LHFPL3: variants seen among roughly 807,000 people sequenced by gnomAD.
LHFPL3 encodes the protein LHFPL tetraspan subfamily member 3 protein.
Under a neutral mutation model 19.3 loss-of-function variants are expected in LHFPL3, and 5 were observed. That is an observed-to-expected ratio of 0.26 (90% CI 0.14 to 0.54). The LOEUF (loss-of-function observed/expected upper bound fraction) is 0.54, where lower values mean the gene tolerates loss of function less well. Ranked by LOEUF, LHFPL3 falls within the 20% of genes least tolerant of loss-of-function variation. The pLI, the probability that LHFPL3 is intolerant of heterozygous loss-of-function variation, is 0.94. For missense variants in LHFPL3, 249 were observed against 307.4 expected (o/e 0.81, Z 1.42); for synonymous variants, 133 against 126.2 (o/e 1.05, Z -0.36).
intron 1 of LHFPL3, among the ~76,000 whole-genome samples, chr7:104,638,779 T>G (rs1193149376): frequency 6.7e-6 from 1 of 148,618 alleles, no homozygotes; most frequent in African/African-American, 2.5e-5. Flanking sequence ...TTTTTTTTTC[T>G]TGAGACAGAG....
intron 2 of LHFPL3, among the ~76,000 whole-genome samples, chr7:104,825,177 A>G (rs1790793313): frequency 6.6e-6 from 1 of 151,680 alleles, no homozygotes; most frequent in Non-Finnish European, 1.5e-5. Context: ...CATAGAAGGA[A>G]CTGGGACTGA....
intron 2 of LHFPL3, among the ~76,000 whole-genome samples, chr7:104,878,925 G>A (rs944463096): frequency 2.6e-5 from 4 of 152,166 alleles, no homozygotes; most frequent in Non-Finnish European, 5.9e-5. Context: ...TTCTGATATA[G>A]AAAAGCTTCT....
At chr7:104,565,757 ATCTATCTATCTATCTAATCT>A (rs1179404608) in intron 1 of LHFPL3, among the ~76,000 whole-genome samples, 7 of 146,564 alleles carry the variant, frequency 4.8e-5, no homozygotes, top group African/African-American at 1.9e-4. Flanking sequence ...CTATCTATCT[ATCTATCTATCTATCTAATCT>A]ATCTATCTGT....
intron 1 of LHFPL3, among the ~76,000 whole-genome samples, chr7:104,567,560 T>C (rs1396391155): frequency 6.6e-6 from 1 of 152,240 alleles, no homozygotes; most frequent in Non-Finnish European, 1.5e-5. Flanking sequence ...AAGGCATTCC[T>C]CTAGTCACAA....
intron 1 of LHFPL3, among the ~76,000 whole-genome samples, chr7:104,523,163 G>A (rs577454084): frequency 4.5e-4 from 69 of 151,942 alleles, no homozygotes; most frequent in African/African-American, 1.6e-3. Context: ...TCTCAAATTG[G>A]TCCTGGTTAA....
chr7:104,875,617 G>C (rs975964799), intron 2 of LHFPL3, among the ~76,000 whole-genome samples: 7 of 152,216 alleles, frequency 4.6e-5, no homozygotes, highest in African/African-American at 1.4e-4. Context: ...GGAAGTTTTA[G>C]TTGCTACTAG....
At chr7:104,771,816 C>CTTTTTTTTT (rs71155523) in intron 2 of LHFPL3, among the ~76,000 whole-genome samples, 1 of 75,412 alleles carries the variant, frequency 1.3e-5, no homozygotes, top group Non-Finnish European at 2.4e-5. Flanking sequence ...TTTTGCCTCT[C>CTTTTTTTTT]TTTTTTTTTT....
At chr7:104,875,339 AATCCTCAC>A (rs1791917683) in intron 2 of LHFPL3, among the ~76,000 whole-genome samples, 1 of 151,894 alleles carries the variant, frequency 6.6e-6, no homozygotes, top group Admixed American at 6.6e-5. Flanking sequence ...CCCACCTCCA[AATCCTCAC>A]ACCCTCCAGC....
chr7:104,499,807 A>G (rs1272359582), intron 1 of LHFPL3, among the ~76,000 whole-genome samples: 1 of 152,204 alleles, frequency 6.6e-6, no homozygotes, highest in Non-Finnish European at 1.5e-5. Flanking sequence ...CCCCAAAACT[A>G]TATAGAACTT....
chr7:104,621,381 C>T (rs1791443244), intron 1 of LHFPL3, among the ~76,000 whole-genome samples: 2 of 152,332 alleles, frequency 1.3e-5, no homozygotes, highest in African/African-American at 4.8e-5. Context: ...CCTAAAAGCA[C>T]AATGCTAATA....
chr7:104,574,859 A>G (rs1345500196), intron 1 of LHFPL3, among the ~76,000 whole-genome samples: 1 of 152,160 alleles, frequency 6.6e-6, no homozygotes, highest in African/African-American at 2.4e-5. Context: ...GCAGAACTGG[A>G]GTTAAAGAAG....
chr7:104,344,954 C>T (rs1406797686), intron 1 of LHFPL3, among the ~76,000 whole-genome samples: 2 of 151,700 alleles, frequency 1.3e-5, no homozygotes, highest in African/African-American at 4.8e-5. Flanking sequence ...CTTTTTTTGT[C>T]TTTGAGAAAA....
rs115345504 is a variant in LHFPL3, at chr7:104,797,722, T to G, written c.682+60811T>G. Among the ~76,000 whole-genome samples the G allele has an allele frequency of 9.8e-3, 1,432 of 146,210 alleles. 16 individuals are homozygous for G. Among genetic ancestry groups the G allele is most frequent in the African/African-American group, 0.033 (1,302 of 39,422 alleles). ...TGAGCTCAAGAGTTAGAGACCAGCC[T>G]GGGTACCAATGGTGAAACCCCATCT... is the stretch of plus-strand genomic sequence containing the variant. On this transcript the variant is annotated intron_variant, in intron 2 of 2. Coordinates refer to ENST00000424859, the MANE Select transcript of LHFPL3 (RefSeq NM_199000.3).
At chr7:104,549,897 G>A (rs940051763) in intron 1 of LHFPL3, among the ~76,000 whole-genome samples, 2 of 152,088 alleles carry the variant, frequency 1.3e-5, no homozygotes, top group African/African-American at 2.4e-5. Flanking sequence ...AAAAGGTACA[G>A]CAGAGGCCAA....
intron 1 of LHFPL3, among the ~76,000 whole-genome samples, chr7:104,622,281 T>TTTTGTA (rs1791459949): frequency 6.6e-6 from 1 of 152,142 alleles, no homozygotes; most frequent in Non-Finnish European, 1.5e-5. Flanking sequence ...AGCTCATTTT[T>TTTTGTA]TTTGTATTTC....
At chr7:104,769,738 T>C (rs1206642695) in intron 2 of LHFPL3, among the ~76,000 whole-genome samples, 1 of 152,038 alleles carries the variant, frequency 6.6e-6, no homozygotes, top group Non-Finnish European at 1.5e-5. Context: ...TGATAGTTTG[T>C]TGAGAATGAT....
intron 1 of LHFPL3, among the ~76,000 whole-genome samples, chr7:104,627,973 T>C (rs983320053): frequency 3.9e-4 from 59 of 152,304 alleles, no homozygotes; most frequent in African/African-American, 1.4e-3. Flanking sequence ...TCAGAAAATA[T>C]CTGTAAATAT....
intron 1 of LHFPL3, among the ~76,000 whole-genome samples, 168 bp from the exon 2 acceptor site, chr7:104,736,507 C>CCACACA (rs57904267): frequency 1.7e-4 from 25 of 150,642 alleles, no homozygotes; most frequent in African/African-American, 5.4e-4. Flanking sequence ...GTTTGCATGC[C>CCACACA]CACACACACA....
At chr7:104,621,086 A>G (rs1179400306) in intron 1 of LHFPL3, among the ~76,000 whole-genome samples, 1 of 152,192 alleles carries the variant, frequency 6.6e-6, no homozygotes, top group Non-Finnish European at 1.5e-5. Flanking sequence ...TCAGATTTTC[A>G]AGAGTTTCTT....
Sources: gnomAD v4.1 joint callset for allele counts (sites outside exome capture counted in the v4.1 genomes callset) on GRCh38, gnomAD v4.1.1 for gene constraint, MANE v1.5 for transcripts, NCBI Gene and HGNC (gene_info 2026-07-23, HGNC 2026-07-21) for gene names.